Variants in NOX4 observed in about 807,000 individuals in gnomAD.
NOX4 encodes the protein NADPH oxidase 4, also known as kidney oxidase-1.
Under a neutral mutation model 87.6 loss-of-function variants are expected in NOX4, and 69 were observed. The ratio of observed to expected loss-of-function variants is 0.79; its 90% CI spans 0.65 to 0.96. The LOEUF is 0.96. Among genes scored for constraint, NOX4 ranks in the 40% least tolerant of loss-of-function variants. The pLI, the probability that NOX4 is intolerant of heterozygous loss-of-function variation, is 0.00. For synonymous variants in NOX4, 275 were observed against 238.2 expected (o/e 1.15, Z -1.42); for missense variants, 680 against 681.5 (o/e 1.00, Z 0.02).
intron 7 of NOX4, among the ~76,000 whole-genome samples, chr11:89,432,269 C>T (rs12276657): frequency 0.092 from 13,890 of 151,614 alleles, 789 homozygotes; most frequent in South Asian, 0.2. Flanking sequence ...TTAATGGGTG[C>T]GGCACACCAA....
chr11:89,471,594 A>G (rs1945943997), intron 2 of NOX4, among the ~76,000 whole-genome samples: 1 of 152,230 alleles, frequency 6.6e-6, no homozygotes. Context: ...CATATCATTA[A>G]TAAATTATAA....
chr11:89,477,163 C>T (rs1376697888), intron 2 of NOX4, among the ~76,000 whole-genome samples: 1 of 152,078 alleles, frequency 6.6e-6, no homozygotes, highest in Non-Finnish European at 1.5e-5. Context: ...TTATACAACT[C>T]ACCACAATGG....
At chr11:89,410,069 A>G (rs1942396110) in intron 8 of NOX4, among the ~76,000 whole-genome samples, 1 of 152,036 alleles carries the variant, frequency 6.6e-6, no homozygotes, top group African/African-American at 2.4e-5. Context: ...AAATAAAATA[A>G]AATAAAATAA....
the NOX4 span, among the ~76,000 whole-genome samples, chr11:89,586,465 C>T: frequency 1.3e-5 from 2 of 152,132 alleles, no homozygotes; most frequent in Non-Finnish European, 2.9e-5. Flanking sequence ...TCAGAGTGAG[C>T]TTTGAGTATA....
chr11:89,579,407 CAG>C, the NOX4 span, among the ~76,000 whole-genome samples: 1 of 151,704 alleles, frequency 6.6e-6, no homozygotes, highest in African/African-American at 2.4e-5. Context: ...TGTGTGGGGA[CAG>C]AGAGTGTGTG....
At chr11:89,554,665 A>C in the NOX4 span, among the ~76,000 whole-genome samples, 11 of 152,160 alleles carry the variant, frequency 7.2e-5, no homozygotes, top group Non-Finnish European at 1.6e-4. Flanking sequence ...TGGATTAAAT[A>C]TCTTTCTAAA....
At chr11:89,521,234 A>T in the NOX4 span, among the ~76,000 whole-genome samples, 1 of 152,164 alleles carries the variant, frequency 6.6e-6, no homozygotes, top group South Asian at 2.1e-4. Flanking sequence ...AGCAATACTA[A>T]GCAAAAAGAA....
intron 3 of NOX4, among the ~76,000 whole-genome samples, 165 bp downstream of exon 3, chr11:89,451,620 C>T (rs749475028): frequency 9.2e-5 from 14 of 152,116 alleles, no homozygotes; most frequent in Non-Finnish European, 1.6e-4. Flanking sequence ...TCTGGTATTG[C>T]AGAATAACTC....
intron 8 of NOX4, among the ~76,000 whole-genome samples, chr11:89,420,400 C>T (rs930933667): frequency 2.6e-5 from 4 of 151,824 alleles, no homozygotes; most frequent in Non-Finnish European, 5.9e-5. Flanking sequence ...GTAACCAATC[C>T]CATTTAAAGA....
At chr11:89,422,557 A>C (rs1348270839) in intron 7 of NOX4, among the ~76,000 whole-genome samples, 1 of 152,194 alleles carries the variant, frequency 6.6e-6, no homozygotes, top group Non-Finnish European at 1.5e-5. Flanking sequence ...GTTTGAGAGA[A>C]GTAAAAGAGA....
intron 2 of NOX4, among the ~76,000 whole-genome samples, chr11:89,490,194 T>A (rs2135497072): frequency 6.6e-6 from 1 of 152,326 alleles, no homozygotes; most frequent in South Asian, 2.1e-4. Flanking sequence ...AGTAGCAATT[T>A]TTTTAAGGCA....
upstream of NOX4, among the ~76,000 whole-genome samples, chr11:89,491,766 AAG>A (rs1491040468): frequency 8.5e-6 from 1 of 118,342 alleles, no homozygotes. Context: ...ACACACACAC[AAG>A]AAGACACAGC....
At chr11:89,557,240 A>G in the NOX4 span, 1 of 152,172 alleles carries the variant, frequency 6.6e-6, no homozygotes, top group South Asian at 2.1e-4. Flanking sequence ...AGCCTTGCTT[A>G]TGAGTTTTTG....
chr11:89,369,418 T>A (rs1939270602), intron 12 of NOX4, among the ~76,000 whole-genome samples: 1 of 152,008 alleles, frequency 6.6e-6, no homozygotes, highest in Admixed American at 6.6e-5. Context: ...CAAAACACAA[T>A]CTCTATAAGA....
chr11:89,398,151 G>C (rs921686419), intron 11 of NOX4, among the ~76,000 whole-genome samples: 1 of 150,008 alleles, frequency 6.7e-6, no homozygotes, highest in Non-Finnish European at 1.5e-5. Flanking sequence ...GGGATGCAAG[G>C]CTGGTTCAAC....
chr11:89,353,305 C>G (rs772757861), intron 13 of NOX4, among the ~76,000 whole-genome samples: 1 of 152,154 alleles, frequency 6.6e-6, no homozygotes, highest in Non-Finnish European at 1.5e-5. Flanking sequence ...ACTGATGCAG[C>G]AAACTTCATG....
At chr11:89,567,060 G>A in the NOX4 span, among the ~76,000 whole-genome samples, 1 of 152,138 alleles carries the variant, frequency 6.6e-6, no homozygotes, top group Non-Finnish European at 1.5e-5. Flanking sequence ...TCCCCTAGGT[G>A]GCTTTGGCCT....
At chr11:89,418,228 C>T (rs946853281) in intron 8 of NOX4, among the ~76,000 whole-genome samples, 4 of 151,590 alleles carry the variant, frequency 2.6e-5, no homozygotes, top group Admixed American at 1.3e-4. Context: ...TCACATACTC[C>T]AAGAACATTT....
At chr11:89,461,950 A>G (rs1945488457) in intron 2 of NOX4, among the ~76,000 whole-genome samples, 1 of 152,012 alleles carries the variant, frequency 6.6e-6, no homozygotes, top group South Asian at 2.1e-4. Context: ...TATTCAATAA[A>G]TGCAATCCTT....
Sources: allele counts gnomAD v4.1 joint callset (sites outside exome capture counted in the v4.1 genomes callset), GRCh38; gene constraint gnomAD v4.1.1; transcripts MANE v1.5; gene names NCBI Gene and HGNC (gene_info 2026-07-23, HGNC 2026-07-21).